Variants in ZEB1 observed in about 807,000 individuals in gnomAD.
The protein encoded by ZEB1 is zinc finger E-box-binding homeobox 1.
In ZEB1, 21 loss-of-function variants were observed where a neutral mutation model predicts 84.9. The ratio of observed to expected loss-of-function variants is 0.25; its 90% CI spans 0.18 to 0.36. The LOEUF (loss-of-function observed/expected upper bound fraction) is 0.36. Among genes scored for constraint, ZEB1 ranks in the 10% least tolerant of loss-of-function variants. The probability of loss-of-function intolerance (pLI) is 1.00; values close to 1 mark genes in which losing one functional copy is unlikely to be tolerated. For missense variants in ZEB1, 1,104 were observed against 1,330.2 expected, an observed-to-expected ratio of 0.83 and a Z score of 2.65; for synonymous variants, 420 against 471.1, an observed-to-expected ratio of 0.89 and a Z score of 1.41.
intron 1 of ZEB1, among the ~76,000 whole-genome samples, chr10:31,382,027 A>C (rs983980399): frequency 6.7e-6 from 1 of 149,220 alleles, no homozygotes; most frequent in Non-Finnish European, 1.5e-5. Flanking sequence ...AAAAAAAAAA[A>C]AAAAAAACAA....
chr10:31,450,022 A>G (rs749410623), intron 1 of ZEB1, among the ~76,000 whole-genome samples: 15 of 152,224 alleles, frequency 9.9e-5, no homozygotes, highest in Non-Finnish European at 1.6e-4. Context: ...CCAGGCAGTT[A>G]GGTTCCAGAG....
intron 1 of ZEB1, among the ~76,000 whole-genome samples, chr10:31,327,841 A>G (rs547009067): frequency 2.0e-4 from 31 of 152,250 alleles, no homozygotes; most frequent in Admixed American, 2.0e-3. Context: ...ACATTTTGCT[A>G]ATTTTTCAGT....
Position 31,520,070 on chromosome 10 carries a change from A to G in ZEB1, c.794-56A>G, listed in dbSNP as rs912827028. 13 of 1,586,782 alleles carry G rather than the reference A, an allele frequency of 8.2e-6. No homozygotes were observed. The highest frequency in any genetic ancestry group is 5.1e-5 in the Admixed American group (3 of 59,046). On this transcript the variant is annotated intron_variant, in intron 6 of 8. Transcript: ENST00000424869. This position sits in a 1 kb window ranked among gnomAD's most constrained non-coding sequence, Gnocchi z 5.1. ...GCTTGTTTTAGGGAAATGAGGATACATAAAAATTTATATGTAATAATTCAG... is the reference window on the plus strand; with the variant it reads ...GCTTGTTTTAGGGAAATGAGGATACGTAAAAATTTATATGTAATAATTCAG...
intron 1 of ZEB1, among the ~76,000 whole-genome samples, chr10:31,444,435 A>G (rs1023684959): frequency 1.1e-4 from 16 of 151,792 alleles, no homozygotes; most frequent in African/African-American, 3.4e-4. Flanking sequence ...CCATTTGTCA[A>G]TTTTGTCTTC....
At chr10:31,369,323 AC>A (rs765335423) in intron 1 of ZEB1, among the ~76,000 whole-genome samples, 14 of 152,058 alleles carry the variant, frequency 9.2e-5, no homozygotes, top group Admixed American at 2.0e-4. Context: ...CTTCCTCTCT[AC>A]CTGAAACTTC....
intron 1 of ZEB1, among the ~76,000 whole-genome samples, chr10:31,348,049 C>T (rs944863826): frequency 5.9e-5 from 9 of 152,132 alleles, no homozygotes; most frequent in African/African-American, 2.2e-4. Flanking sequence ...GTTGTGTGGG[C>T]CTTACTTTCC....
At chr10:31,523,492 T>C (rs574975669) in intron 7 of ZEB1, among the ~76,000 whole-genome samples, 1 of 152,356 alleles carries the variant, frequency 6.6e-6, no homozygotes, top group Admixed American at 6.5e-5. Flanking sequence ...TTTTGCTTAG[T>C]GAAACCCAGA....
intron 1 of ZEB1, among the ~76,000 whole-genome samples, chr10:31,450,865 G>C (rs898164222): frequency 1.4e-5 from 2 of 139,274 alleles, no homozygotes; most frequent in Non-Finnish European, 3.1e-5. Context: ...ATTTTATTTA[G>C]GACTGAGCGT....
At chr10:31,383,537 A>AT (rs1030908100) in intron 1 of ZEB1, among the ~76,000 whole-genome samples, 1 of 152,178 alleles carries the variant, frequency 6.6e-6, no homozygotes, top group African/African-American at 2.4e-5. Context: ...GAAATAGGTA[A>AT]TTTTTTTAAA....
intron 1 of ZEB1, among the ~76,000 whole-genome samples, chr10:31,399,246 C>G (rs1423111594): frequency 6.6e-6 from 1 of 152,216 alleles, no homozygotes; most frequent in African/African-American, 2.4e-5. Flanking sequence ...CTGCCTGCCA[C>G]GGCCTCCCAA....
At chr10:31,467,413 A>G (rs2062580474) in intron 2 of ZEB1, among the ~76,000 whole-genome samples, 1 of 152,086 alleles carries the variant, frequency 6.6e-6, no homozygotes, top group Non-Finnish European at 1.5e-5. Flanking sequence ...GCATGTTCAC[A>G]TGACCAATTC....
At chr10:31,366,761 A>G (rs574953547) in intron 1 of ZEB1, among the ~76,000 whole-genome samples, 134 of 152,304 alleles carry the variant, frequency 8.8e-4, no homozygotes, top group Non-Finnish European at 1.4e-3. Flanking sequence ...TTTTTCTTCT[A>G]TGAAGCCTTC....
At chr10:31,329,528 C>T (rs1184973076) in intron 1 of ZEB1, among the ~76,000 whole-genome samples, 2 of 152,088 alleles carry the variant, frequency 1.3e-5, no homozygotes, top group Admixed American at 1.3e-4. Flanking sequence ...ATATATCTTA[C>T]ATTTTTCTTG....
intron 1 of ZEB1, among the ~76,000 whole-genome samples, chr10:31,348,807 C>G (rs567320050): frequency 6.6e-6 from 1 of 152,060 alleles, no homozygotes; most frequent in African/African-American, 2.4e-5. Flanking sequence ...TCATTATCTT[C>G]TGTTATTTGT....
chr10:31,456,450 C>T (rs1174263272), intron 1 of ZEB1, among the ~76,000 whole-genome samples: 1 of 151,948 alleles, frequency 6.6e-6, no homozygotes, highest in Non-Finnish European at 1.5e-5. Context: ...ATACACTGTT[C>T]AAATATTATG....
chr10:31,375,981 G>A (rs2046554521), intron 1 of ZEB1, among the ~76,000 whole-genome samples: 1 of 151,500 alleles, frequency 6.6e-6, no homozygotes, highest in Non-Finnish European at 1.5e-5. Flanking sequence ...GTCACATCTC[G>A]TAAAATCATC....
chr10:31,522,533 T>C (rs1188687923), intron 7 of ZEB1, among the ~76,000 whole-genome samples: 4 of 152,192 alleles, frequency 2.6e-5, no homozygotes, highest in South Asian at 2.1e-4. Context: ...TAAAAATACA[T>C]ATGCATTTTC....
intron 1 of ZEB1, among the ~76,000 whole-genome samples, chr10:31,409,365 A>G (rs2053777505): frequency 6.6e-6 from 1 of 151,356 alleles, no homozygotes; most frequent in African/African-American, 2.4e-5. Context: ...AGAACTAGAA[A>G]TGGTCTATAT....
intron 3 of ZEB1, among the ~76,000 whole-genome samples, chr10:31,502,026 CATTA>C (rs1469705234): frequency 6.6e-6 from 1 of 152,072 alleles, no homozygotes; most frequent in Non-Finnish European, 1.5e-5. Flanking sequence ...CTTGCTTTAT[CATTA>C]ATTGAGAAAG....
Sources: gnomAD v4.1 joint callset for allele counts (sites outside exome capture counted in the v4.1 genomes callset) on GRCh38, gnomAD v4.1.1 for gene constraint, Gnocchi (gnomAD v3.1) non-coding constraint, MANE v1.5 for transcripts, NCBI Gene and HGNC (gene_info 2026-07-23, HGNC 2026-07-21) for gene names.